Variants in SAMD15 observed in about 807,000 individuals in gnomAD.
SAMD15 encodes sterile alpha motif domain-containing protein 15.
Under a neutral mutation model 50.5 loss-of-function variants are expected in SAMD15, and 37 were observed. The observed-to-expected ratio is 0.73, with a 90% CI of 0.56 to 0.96. The LOEUF (loss-of-function observed/expected upper bound fraction) is 0.96, where lower values mean the gene tolerates loss of function less well. Among genes scored for constraint, SAMD15 ranks in the 40% least tolerant of loss-of-function variants. The probability of loss-of-function intolerance (pLI) is 0.00; values close to 1 mark genes in which losing one functional copy is unlikely to be tolerated. For synonymous variants in SAMD15, 255 were observed against 282.8 expected (o/e 0.90, Z 0.99); for missense variants, 789 against 783.8 (o/e 1.01, Z -0.08).
At chr14:77,379,187 T>TA in intron 1 of SAMD15, 80 bp downstream of exon 1, 1 of 1,285,656 alleles carries the variant, frequency 7.8e-7, no homozygotes, top group Non-Finnish European at 1.1e-6. Flanking sequence ...CCTGAGCTCT[T>TA]ACCTCTTTAC....
At chr14:77,386,721 C>A (rs139417589) in intron 2 of SAMD15, among the ~76,000 whole-genome samples, 263 of 152,222 alleles carry the variant, frequency 1.7e-3, no homozygotes, top group African/African-American at 5.0e-3. Flanking sequence ...AGGTTTAGAT[C>A]ATATAAATTA....
chr14:77,381,174 C>G (rs1304751540), intron 2 of SAMD15, among the ~76,000 whole-genome samples: 1 of 152,158 alleles, frequency 6.6e-6, no homozygotes, highest in African/African-American at 2.4e-5. Flanking sequence ...CATTTTGTGT[C>G]TCTGACACCC....
At position 77,392,106 on chromosome 14, in the gene SAMD15, G is replaced by A. The variant is rs1425055831; in HGVS notation, c.*862G>A. Among the ~76,000 whole-genome samples, 1 of 152,040 alleles carries A rather than the reference G, an allele frequency of 6.6e-6. No individual in the cohort carries two copies. The highest frequency in any genetic ancestry group is 1.5e-5 in the Non-Finnish European group (1 of 67,994). On this transcript the variant is annotated 3_prime_UTR_variant, in exon 3 of 3. Coordinates refer to ENST00000216471, the MANE Select transcript of SAMD15 (RefSeq NM_001010860.4). Reference sequence around the variant, plus strand: ...AAAATTCCTGAAAAATTCTAGTAATGCACCTTGTAATAGGAACATGTTGGG... The same window carrying A: ...AAAATTCCTGAAAAATTCTAGTAATACACCTTGTAATAGGAACATGTTGGG...
At position 77,380,367 on chromosome 14, in the gene SAMD15, CTTGT is replaced by C; in HGVS notation, c.1690-14_1690-11del. On this transcript the variant is annotated splice_polypyrimidine_tract_variant and intron_variant, in intron 1 of 2. Transcript: ENST00000216471. ...TGCAGTACATTTTTTAAGTGATGTC[CTTGT>C]TGTATTGACAGGAGTGTTTTATCAC... The C allele has an allele frequency of 6.5e-7, 1 of 1,545,624 alleles. No individual in the cohort carries two copies. The highest frequency in any genetic ancestry group is 1.7e-5 in the Admixed American group (1 of 59,902).
chr14:77,388,346 T>C (rs1243499565), intron 2 of SAMD15, among the ~76,000 whole-genome samples: 1 of 151,558 alleles, frequency 6.6e-6, no homozygotes, highest in African/African-American at 2.4e-5. Flanking sequence ...CGTAGAAGCA[T>C]GCATCACAAA....
rs929661578 is a variant in SAMD15, at chr14:77,391,463, A to G, written c.*219A>G. 3.4e-5 allele frequency: 14 copies of G among 414,244 alleles called. No homozygotes were observed. Among genetic ancestry groups the G allele is most frequent in the Admixed American group, 4.2e-5 (1 of 23,688 alleles). 25.7% of individuals were successfully genotyped at this position (414,244 alleles called of 1,614,324 possible). On this transcript the variant is annotated 3_prime_UTR_variant, in exon 3 of 3. Coordinates refer to ENST00000216471, the MANE Select transcript of SAMD15 (RefSeq NM_001010860.4). ...CTCCCGAGTAGCTGGGATTACAGGC[A>G]TCCGCCATCATGCCCAGCTAATTTT...
Position 77,378,844 on chromosome 14 carries a change from T to C in SAMD15, c.1426T>C (p.Tyr476His). 1 of 1,614,030 alleles carries C rather than the reference T, an allele frequency of 6.2e-7. No homozygotes were observed. Among genetic ancestry groups the C allele is most frequent in the South Asian group, 1.1e-5 (1 of 91,024 alleles). Residue 476 changes from tyrosine to histidine, a missense_variant, in exon 1 of 3, where the codon TAT becomes CAT. This residue lies in a region of SAMD15 where 770 missense variants were observed against 745.4 expected (regional missense o/e 1.03). Coordinates refer to ENST00000216471, the MANE Select transcript of SAMD15 (RefSeq NM_001010860.4). ...AAGTGAAGAATCAATTGGTACACAT[T>C]ATGAGTTTTTGCAACCACTCCAAAA... The part of the protein sequence containing the change: ...RESEESIGTH[Y>H]EFLQPLQKLL...
chr14:77,385,970 C>T lies in SAMD15; in HGVS notation c.1789-5038C>T, dbSNP rs1894001157. ...TCAAATAATCCTCCCACTTCAGCCT[C>T]CCGGGTAGCTGGGACTACAGCCACA... On this transcript the variant is annotated intron_variant, in intron 2 of 2. Transcript: ENST00000216471. Among the ~76,000 whole-genome samples, 3 of 151,766 alleles carry T rather than the reference C, an allele frequency of 2.0e-5. No individual in the cohort carries two copies. In the South Asian group the frequency reaches 6.2e-4, roughly 32 times the overall value.
intron 2 of SAMD15, among the ~76,000 whole-genome samples, chr14:77,381,467 T>C (rs976372424): frequency 6.6e-6 from 1 of 152,198 alleles, no homozygotes; most frequent in Non-Finnish European, 1.5e-5. Flanking sequence ...AGCACACCCA[T>C]GCCCAGAAAT....
chr14:77,386,861 T>C (rs1894010857), intron 2 of SAMD15, among the ~76,000 whole-genome samples: 1 of 152,146 alleles, frequency 6.6e-6, no homozygotes, highest in African/African-American at 2.4e-5. Context: ...AAAACAATGA[T>C]CAACACAAGT....
Position 77,391,047 on chromosome 14 carries a change from G to A in SAMD15, c.1828G>A (p.Glu610Lys). The stretch of plus-strand genomic sequence containing the variant: ...TACGCAGGAGCTCCTGGAAATTGAA[G>A]AGCCATTATTCAAACGCTCCATCAG... ...RHTQELLEIE[E>K]PLFKRSISLP... Residue 610 changes from glutamate to lysine, a missense_variant, in exon 3 of 3, where the codon GAG becomes AAG. Coordinates refer to ENST00000216471, the MANE Select transcript of SAMD15 (RefSeq NM_001010860.4). 6.2e-7 allele frequency: 1 copy of A among 1,613,512 alleles called. No individual in the cohort carries two copies. The highest frequency in any genetic ancestry group is 1.3e-5 in the African/African-American group (1 of 75,012).
chr14:77,386,907 A>C (rs1347202952), intron 2 of SAMD15, among the ~76,000 whole-genome samples: 1 of 152,194 alleles, frequency 6.6e-6, no homozygotes, highest in Admixed American at 6.5e-5. Flanking sequence ...TCTTCTTGAA[A>C]ACCACAGGCA....
At chr14:77,387,719 T>C (rs1302277588) in intron 2 of SAMD15, among the ~76,000 whole-genome samples, 2 of 152,012 alleles carry the variant, frequency 1.3e-5, no homozygotes, top group African/African-American at 2.4e-5. Context: ...GTAGATTATA[T>C]ATATATACTC....
At chr14:77,380,543 C>T in intron 2 of SAMD15, 62 bp downstream of exon 2, 2 of 1,143,162 alleles carry the variant, frequency 1.7e-6, no homozygotes, top group Non-Finnish European at 2.6e-6. Context: ...CTGTCTCAAA[C>T]CAACCTTTTT....
At chr14:77,384,311 C>G (rs1893980665) in intron 2 of SAMD15, among the ~76,000 whole-genome samples, 1 of 152,166 alleles carries the variant, frequency 6.6e-6, no homozygotes, top group African/African-American at 2.4e-5. Flanking sequence ...ACCTCCTATA[C>G]AAGCCTTGCA....
chr14:77,382,881 A>G lies in SAMD15; in HGVS notation c.1788+2400A>G, dbSNP rs1189199476. Among the ~76,000 whole-genome samples the G allele has an allele frequency of 6.6e-5, 10 of 151,686 alleles. 1 individual carries two copies. The highest frequency in any genetic ancestry group is 6.6e-4 in the Admixed American group (10 of 15,194). ...CAGGCACGTGCCACCATGTCTGGCTAATTTTTGTATTTTTAGTGGAGCCGG... is the reference window on the plus strand; with the variant it reads ...CAGGCACGTGCCACCATGTCTGGCTGATTTTTGTATTTTTAGTGGAGCCGG... On this transcript the variant is annotated intron_variant, in intron 2 of 2. Coordinates refer to ENST00000216471, the MANE Select transcript of SAMD15 (RefSeq NM_001010860.4).
chr14:77,378,793 T>C lies in SAMD15; in HGVS notation c.1375T>C (p.Tyr459His). The change falls in exon 1 of 3, where the codon TAT (tyrosine) becomes CAT (histidine). Residue 459 changes from tyrosine to histidine, a missense_variant. This residue lies in a region of SAMD15 where 770 missense variants were observed against 745.4 expected (regional missense o/e 1.03). Coordinates refer to ENST00000216471, the MANE Select transcript of SAMD15 (RefSeq NM_001010860.4). ...ACTAAGTGACAAATTTAGAAAAGAA[T>C]ATTACGCATTAGGATCTCTCAGAGA... is the stretch of plus-strand genomic sequence containing the variant. ...LSLSDKFRKE[Y>H]YALGSLRESE... 1 of 1,612,740 alleles carries C rather than the reference T, an allele frequency of 6.2e-7. No individual in the cohort carries two copies. Among genetic ancestry groups the C allele is most frequent in the Non-Finnish European group, 8.5e-7 (1 of 1,179,672 alleles).
rs1253896552 is a variant in SAMD15 at position 77,378,470 on chromosome 14, A to T, written c.1052A>T (p.Glu351Val). 6.2e-7 allele frequency: 1 copy of T among 1,612,598 alleles called. No individual in the cohort carries two copies. The highest frequency in any genetic ancestry group is 8.5e-7 in the Non-Finnish European group (1 of 1,179,748). The change falls in exon 1 of 3, where the codon GAA becomes GTA. Residue 351 changes from glutamate to valine, a missense_variant. This residue lies in a region of SAMD15 where 770 missense variants were observed against 745.4 expected (regional missense o/e 1.03). Transcript: ENST00000216471. ...AAAACAAATGAGGAAACAATTCTAGAACAATCAGAAATGATGAAACCAGAA... is the reference window on the plus strand; with the variant it reads ...AAAACAAATGAGGAAACAATTCTAGTACAATCAGAAATGATGAAACCAGAA... The part of the protein sequence containing the change: ...SRKTNEETIL[E>V]QSEMMKPESP...
chr14:77,383,612 A>C (rs187921060), intron 2 of SAMD15, among the ~76,000 whole-genome samples: 3 of 152,304 alleles, frequency 2.0e-5, no homozygotes, highest in Admixed American at 2.0e-4. Flanking sequence ...CACTAGAGTA[A>C]CATAAAGACC....
Sources: allele counts gnomAD v4.1 joint callset (sites outside exome capture counted in the v4.1 genomes callset), GRCh38; gene constraint gnomAD v4.1.1; regional missense constraint gnomAD v4.1.1; transcripts MANE v1.5; gene names NCBI Gene and HGNC (gene_info 2026-07-23, HGNC 2026-07-21).